Variants in TRPT1 observed in about 807,000 individuals in gnomAD.
TRPT1 encodes tRNA 2'-phosphotransferase 1.
In TRPT1, 22 loss-of-function variants were observed where a neutral mutation model predicts 28.4. The ratio of observed to expected loss-of-function variants is 0.78; its 90% CI spans 0.55 to 1.11. TRPT1 has a LOEUF of 1.11. Ranked by LOEUF, TRPT1 falls within the 50% of genes least tolerant of loss-of-function variation. TRPT1 has a pLI of 0.00. For synonymous variants in TRPT1, 137 were observed against 132.4 expected (o/e 1.03, Z -0.24); for missense variants, 308 against 317.7 (o/e 0.97, Z 0.23).
intron 2 of TRPT1, 60 bp downstream of exon 2, chr11:64,225,725 GC>G (rs954906774): frequency 6.0e-5 from 85 of 1,417,760 alleles, no homozygotes; most frequent in Non-Finnish European, 4.6e-5. Context: ...CTTCAGCTCC[GC>G]CCCCCAGCAA....
chr11:64,224,080 G>T lies in TRPT1; in HGVS notation c.670+20C>A. 6.2e-7 allele frequency: 1 copy of T among 1,601,506 alleles called. No homozygotes were observed. Among genetic ancestry groups the T allele is most frequent in the East Asian group, 2.2e-5 (1 of 44,722 alleles). On this transcript the variant is annotated intron_variant, in intron 7 of 7. Coordinates refer to ENST00000317459, the MANE Select transcript of TRPT1 (RefSeq NM_001033678.4). ...CAGCTTTCAGGAACAAGGAATAGGGGCTGGGGTGGTGGTTCTCACGGGTAG... is the reference window on the plus strand; with the variant it reads ...CAGCTTTCAGGAACAAGGAATAGGGTCTGGGGTGGTGGTTCTCACGGGTAG...
At chr11:64,224,255 A>G (rs1591051129) in intron 6 of TRPT1, 30 bp downstream of exon 6, 14 of 1,613,586 alleles carry the variant, frequency 8.7e-6, no homozygotes, top group African/African-American at 5.3e-5. Flanking sequence ...CCCCGAAGGC[A>G]AGGGCAGCTC....
At chr11:64,225,344 CAG>C (rs770649638) in intron 3 of TRPT1, 153 bp downstream of exon 3, 7 of 659,090 alleles carry the variant, frequency 1.1e-5, no homozygotes, top group African/African-American at 9.1e-5. Flanking sequence ...GTGGACATGA[CAG>C]GGGCTCTAGG....
rs1322293886 is a variant in TRPT1, at chr11:64,224,854, C to T, written c.274G>A (p.Gly92Arg). 1.9e-6 allele frequency: 3 copies of T among 1,613,426 alleles called. No homozygotes were observed. Among genetic ancestry groups the T allele is most frequent in the South Asian group, 2.2e-5 (2 of 91,024 alleles). Reference sequence around the variant, plus strand: ...ATGAGAAGGCCAGTGCTGGGATCCCCCAGCTGCAGGGCGAACCGCTGCTTC... The same window carrying T: ...ATGAGAAGGCCAGTGCTGGGATCCCTCAGCTGCAGGGCGAACCGCTGCTTC... The part of the protein sequence containing the change: ...NRKQRFALQL[G>R]DPSTGLLIRA... The change falls in exon 4 of 8, where the codon GGG becomes AGG. Residue 92 changes from glycine (G) to arginine (R), a missense_variant. Physicochemically the swap from Gly to Arg is moderately radical, Grantham distance 125. Transcript: ENST00000317459.
Position 64,224,803 on chromosome 11 carries a change from G to T in TRPT1, c.325C>A (p.Gln109Lys). ...LIRANQGHSL[Q>K]VPKLELMPLE... is the part of the protein sequence containing the mutation. ...CGCACTTGTCCCCTCACCCCGACCT[G>T]CAGGGAATGGCCCTGGTTGGCCCGG... Residue 109 changes from glutamine (Q) to lysine (K), a missense_variant and splice_region_variant, in exon 4 of 8, where the codon CAG becomes AAG. Coordinates refer to ENST00000317459, the MANE Select transcript of TRPT1 (RefSeq NM_001033678.4). 6.2e-7 allele frequency: 1 copy of T among 1,613,804 alleles called. No homozygotes were observed. The highest frequency in any genetic ancestry group is 8.5e-7 in the Non-Finnish European group (1 of 1,179,920).
Position 64,225,888 on chromosome 11 carries a change from AG to A in TRPT1, c.-9-20del. The A allele has an allele frequency of 1.4e-6, 2 of 1,447,618 alleles. No homozygotes were observed. Among genetic ancestry groups the A allele is most frequent in the South Asian group, 1.2e-5 (1 of 82,014 alleles). The allele number at this position is 1,447,618 out of a possible 1,614,324, so 89.7% of individuals were successfully genotyped here. A position where few individuals can be genotyped will look rare whatever the true frequency, so the allele number is the denominator to read the frequency against. On this transcript the variant is annotated intron_variant, in intron 1 of 7. Coordinates refer to ENST00000317459, the MANE Select transcript of TRPT1 (RefSeq NM_001033678.4). ...TTAAGACCTGTGGGGGGCAGTGACG[AG>A]GGGGGACTGCTTTAAGGCCCCTTCC...
chr11:64,224,212 T>C lies in TRPT1; in HGVS notation c.560-2A>G. 2 of 1,612,596 alleles carry C rather than the reference T, an allele frequency of 1.2e-6. No homozygotes were observed. The highest frequency in any genetic ancestry group is 1.7e-6 in the Non-Finnish European group (2 of 1,178,934). On this transcript the variant is annotated splice_acceptor_variant, in intron 6 of 7. Transcript: ENST00000317459. LOFTEE classifies it high-confidence loss of function. ...CAGAGCGGAAGAAGGGTATTCCATC[T>C]GCTGACAGAGCCAGAGATGTGACTC...
Position 64,225,593 on chromosome 11 carries a change from A to G in TRPT1, c.76-13T>C. ...GCACGTCTCGGTCCTGAAAGAACCC[A>G]GCGGTGGCCCCTAGTCTCCATGGTG... On this transcript the variant is annotated splice_polypyrimidine_tract_variant and intron_variant, in intron 2 of 7. Transcript: ENST00000317459. 1 of 1,605,836 alleles carries G rather than the reference A, an allele frequency of 6.2e-7. No homozygotes were observed. The highest frequency in any genetic ancestry group is 8.5e-7 in the Non-Finnish European group (1 of 1,176,216).
At chr11:64,225,603 C>A in intron 2 of TRPT1, 23 bp from the exon 3 acceptor site, 1 of 1,598,978 alleles carries the variant, frequency 6.3e-7, no homozygotes, top group Non-Finnish European at 8.5e-7. Context: ...AGCGGTGGCC[C>A]CTAGTCTCCA....
Position 64,224,125 on chromosome 11 carries a change from C to T in TRPT1, c.645G>A (p.Lys215=). ...TDGFLLPKYF[K]EALQLRPTRK... ...GGGTAGGGCGTAGCTGCAGGGCCTCCTTGAAGTACTTGGGAAGGAGGAAGC... is the reference window on the plus strand; with the variant it reads ...GGGTAGGGCGTAGCTGCAGGGCCTCTTTGAAGTACTTGGGAAGGAGGAAGC... Residue 215 remains lysine (K), a synonymous_variant, in exon 7 of 8, where the codon AAG becomes AAA. Transcript: ENST00000317459. 6.2e-7 allele frequency: 1 copy of T among 1,607,642 alleles called. No homozygotes were observed. The highest frequency in any genetic ancestry group is 8.5e-7 in the Non-Finnish European group (1 of 1,175,748).
In TRPT1 at chr11:64,224,126, T is replaced by C; in HGVS notation, c.644A>G (p.Lys215Arg). Residue 215 changes from lysine to arginine, a missense_variant, in exon 7 of 8, where the codon AAG becomes AGG. Coordinates refer to ENST00000317459, the MANE Select transcript of TRPT1 (RefSeq NM_001033678.4). ...GGTAGGGCGTAGCTGCAGGGCCTCCTTGAAGTACTTGGGAAGGAGGAAGCC... is the reference window on the plus strand; with the variant it reads ...GGTAGGGCGTAGCTGCAGGGCCTCCCTGAAGTACTTGGGAAGGAGGAAGCC... Reference protein sequence around the residue: ...TDGFLLPKYFKEALQLRPTRK... With the variant: ...TDGFLLPKYFREALQLRPTRK... 6.2e-7 allele frequency: 1 copy of C among 1,607,680 alleles called. No individual in the cohort carries two copies. Among genetic ancestry groups the C allele is most frequent in the Non-Finnish European group, 8.5e-7 (1 of 1,175,762 alleles).
intron 2 of TRPT1, 64 bp from the exon 3 acceptor site, chr11:64,225,644 C>A (rs2134955522): frequency 1.3e-6 from 2 of 1,490,704 alleles, no homozygotes; most frequent in East Asian, 2.4e-5. Context: ...CCATCCTGAA[C>A]CCTCAATGAC....
At position 64,225,485 on chromosome 11, in the gene TRPT1, A is replaced by G. The variant is rs1172966000; in HGVS notation, c.157+14T>C. On this transcript the variant is annotated intron_variant, in intron 3 of 7. Coordinates refer to ENST00000317459, the MANE Select transcript of TRPT1 (RefSeq NM_001033678.4). ...CTCTGGGCTCAAGCCCCAGCCTCCA[A>G]GGCCCCTACTTACCAGCTCCCATGG... 6.2e-7 allele frequency: 1 copy of G among 1,608,624 alleles called. No homozygotes were observed. The highest frequency in any genetic ancestry group is 2.2e-5 in the East Asian group (1 of 44,822).
In TRPT1 at chr11:64,224,570, G is replaced by A. The variant is rs745818950; in HGVS notation, c.475C>T (p.Leu159=). Residue 159 remains leucine, a synonymous_variant, in exon 5 of 8, where the codon CTG becomes TTG. Transcript: ENST00000317459. The stretch of plus-strand genomic sequence containing the variant: ...CTGATGATACCGGGGTCTCCAGGCA[G>A]TCCTGGGGCCAGGTGAATGTGCGTC... ...GRTHIHLAPG[L]PGDPGIISGM... The A allele has an allele frequency of 1.3e-6, 2 of 1,579,428 alleles. No individual in the cohort carries two copies. The highest frequency in any genetic ancestry group is 4.5e-5 in the East Asian group (2 of 44,648).
chr11:64,225,916 C>T, intron 1 of TRPT1, 47 bp from the exon 2 acceptor site: 1 of 1,111,342 alleles, frequency 9.0e-7, no homozygotes, highest in Non-Finnish European at 1.3e-6. Flanking sequence ...GCCCCTTCCA[C>T]GTCCCCATCC....
chr11:64,224,524 T>C lies in TRPT1; in HGVS notation c.502+19A>G, dbSNP rs1261948399. Reference sequence around the variant, plus strand: ...GACAGAGTGGGTGGGAGTAGCTAGGTGGAGGGGAGGGCACTGACCACTGAT... The same window carrying C: ...GACAGAGTGGGTGGGAGTAGCTAGGCGGAGGGGAGGGCACTGACCACTGAT... On this transcript the variant is annotated intron_variant, in intron 5 of 7. Transcript: ENST00000317459. The C allele has an allele frequency of 1.3e-6, 2 of 1,562,100 alleles. No individual in the cohort carries two copies. The highest frequency in any genetic ancestry group is 3.6e-5 in the Admixed American group (2 of 55,894).
At chr11:64,225,970 G>A (rs1591063081) in intron 1 of TRPT1, 80 bp downstream of exon 1, 2 of 709,066 alleles carry the variant, frequency 2.8e-6, no homozygotes, top group Admixed American at 4.8e-5. Context: ...CGCTGGGTGG[G>A]AGTATACGGC....
In TRPT1 at chr11:64,223,942, A is replaced by G; in HGVS notation, c.696T>C (p.Asp232=). The change falls in exon 8 of 8, where the codon GAT becomes GAC. Residue 232 remains aspartate (D), a synonymous_variant. Transcript: ENST00000317459. The part of the protein sequence containing the change: ...PTRKPLSLAG[D]EETECQSSPK... ...GGCTACTCTGACACTCTGTCTCTTC[A>G]TCACCAGCCAAGGAAAGGGGCTTTC... is the stretch of plus-strand genomic sequence containing the variant. 6.2e-7 allele frequency: 1 copy of G among 1,613,928 alleles called. No homozygotes were observed. Among genetic ancestry groups the G allele is most frequent in the East Asian group, 2.2e-5 (1 of 44,874 alleles).
intron 1 of TRPT1, 75 bp downstream of exon 1, chr11:64,225,975 T>C: frequency 1.5e-6 from 1 of 680,398 alleles, no homozygotes; most frequent in Non-Finnish European, 2.6e-6. Context: ...GGTGGGAGTA[T>C]ACGGCTCATT....
Sources: gnomAD v4.1 joint callset for allele counts on GRCh38, gnomAD v4.1.1 for gene constraint, MANE v1.5 for transcripts, NCBI Gene and HGNC (gene_info 2026-07-23, HGNC 2026-07-21) for gene names.